SGSM2: variants seen among roughly 807,000 people sequenced by gnomAD.
The protein encoded by SGSM2 is RUN and TBC1 domain containing 1.
A neutral mutation model predicts 126.6 loss-of-function variants in SGSM2; 89 were observed. That is an observed-to-expected ratio of 0.70 (90% confidence interval 0.59 to 0.84). The LOEUF (loss-of-function observed/expected upper bound fraction) is 0.84, where lower values mean the gene tolerates loss of function less well. SGSM2 is among the 40% of genes least tolerant of loss of function. SGSM2 has a pLI of 0.00. For synonymous variants in SGSM2, 614 were observed against 574.3 expected, an observed-to-expected ratio of 1.07 and a Z score of -0.99; for missense variants, 1,404 against 1,416.6, an observed-to-expected ratio of 0.99 and a Z score of 0.14.
chr17:2,378,921 C>T (rs2066297903), intron 22 of SGSM2, 115 bp from the exon 23 acceptor site: 2 of 1,298,506 alleles, frequency 1.5e-6, no homozygotes, highest in Non-Finnish European at 2.1e-6. Flanking sequence ...AGCCCCAGCC[C>T]CAGCCTCAGC....
At chr17:2,340,564 C>G (rs1463477827) in intron 1 of SGSM2, among the ~76,000 whole-genome samples, 1 of 151,900 alleles carries the variant, frequency 6.6e-6, no homozygotes, top group Admixed American at 6.6e-5. Flanking sequence ...TCATGTTTCT[C>G]CTTTCCTCCT....
At chr17:2,341,857 C>G (rs1383004780) in intron 1 of SGSM2, among the ~76,000 whole-genome samples, 1 of 152,106 alleles carries the variant, frequency 6.6e-6, no homozygotes, top group Non-Finnish European at 1.5e-5. Flanking sequence ...AAACATAAAT[C>G]CCAAACATTT....
intron 11 of SGSM2, among the ~76,000 whole-genome samples, chr17:2,366,059 A>G (rs562472509): frequency 3.3e-5 from 5 of 152,148 alleles, no homozygotes; most frequent in African/African-American, 1.2e-4. Flanking sequence ...TTCTTTTTGG[A>G]TGGTGAATAT....
intron 21 of SGSM2, 135 bp from the exon 22 acceptor site, chr17:2,377,719 CGCA>C (rs2066242266): frequency 1.6e-6 from 1 of 635,708 alleles, no homozygotes; most frequent in Non-Finnish European, 2.9e-6. Flanking sequence ...GAGTGCACCG[CGCA>C]GCACAGGGCA....
chr17:2,368,736 G>C lies in SGSM2; in HGVS notation c.1423+1331G>C, dbSNP rs183594039. 4.5e-5 allele frequency among the ~76,000 whole-genome samples: 6 copies of C among 133,092 alleles called. No individual in the cohort carries two copies. In the East Asian group the frequency reaches 1.6e-3, roughly 35 times the overall value. 87.3% of individuals were successfully genotyped at this position (133,092 alleles called of 152,430 possible). A position where few individuals can be genotyped will look rare whatever the true frequency, so the allele number is the denominator to read the frequency against. ...GAACATCCTACTTCTGATGTTTATT[G>C]CCTACACACACCCCTGCCATCTGGT... On this transcript the variant is annotated intron_variant, in intron 12 of 23. Transcript: ENST00000268989.
At chr17:2,354,371 G>T (rs2065004506) in intron 2 of SGSM2, among the ~76,000 whole-genome samples, 1 of 152,272 alleles carries the variant, frequency 6.6e-6, no homozygotes, top group South Asian at 2.1e-4. Flanking sequence ...TAATAAAAAA[G>T]ATTGTATTCT....
chr17:2,352,245 A>G (rs906990813), intron 2 of SGSM2, among the ~76,000 whole-genome samples: 3 of 152,198 alleles, frequency 2.0e-5, no homozygotes, highest in African/African-American at 7.2e-5. Flanking sequence ...TCCACCATCC[A>G]GGGACCTGAA....
Position 2,369,370 on chromosome 17 carries a change from A to G in SGSM2, c.1424-1892A>G, listed in dbSNP as rs193223148. On this transcript the variant is annotated intron_variant, in intron 12 of 23. Coordinates refer to ENST00000268989, the MANE Select transcript of SGSM2 (RefSeq NM_014853.3). ...ATTCACTCTAATTCTGCTCCAGGCC[A>G]GGCACCTTTCACTCGGAGTCTTAGG... Among the ~76,000 whole-genome samples, 165 of 152,176 alleles carry G rather than the reference A, an allele frequency of 1.1e-3. 3 individuals are homozygous for G. In the East Asian group the frequency reaches 0.018, roughly 17 times the overall value.
chr17:2,365,416 G>A (rs1305687996), intron 11 of SGSM2, 75 bp downstream of exon 11: 2 of 1,455,722 alleles, frequency 1.4e-6, no homozygotes, highest in Non-Finnish European at 1.8e-6. Flanking sequence ...CGTCACCCAG[G>A]AGGGCAGCAG....
chr17:2,366,151 A>C (rs1386249772), intron 11 of SGSM2, among the ~76,000 whole-genome samples: 2 of 152,134 alleles, frequency 1.3e-5, no homozygotes, highest in African/African-American at 4.8e-5. Flanking sequence ...GTTGCATCAG[A>C]GGCAGACTCG....
rs199659081 is a variant in SGSM2 at position 2,373,116 on chromosome 17, T to C, written c.1917+35T>C. On this transcript the variant is annotated intron_variant, in intron 16 of 23. Transcript: ENST00000268989. ...GCCTGTTCCCATGGGGCTGATGAGA[T>C]GGGGAGCTGGGCCAGGGGACGCCAG... 1,318 of 1,586,974 alleles carry C rather than the reference T, an allele frequency of 8.3e-4. 14 individuals are homozygous for C. Among genetic ancestry groups the C allele is most frequent in the Middle Eastern group, 6.7e-4 (4 of 5,950 alleles).
intron 2 of SGSM2, among the ~76,000 whole-genome samples, chr17:2,348,425 A>G (rs1219397720): frequency 6.6e-6 from 1 of 152,196 alleles, no homozygotes; most frequent in African/African-American, 2.4e-5. Context: ...TCCCACCCAC[A>G]GGGAATGAAT....
intron 12 of SGSM2, among the ~76,000 whole-genome samples, chr17:2,369,118 G>A (rs2065737328): frequency 6.6e-6 from 1 of 152,212 alleles, no homozygotes; most frequent in African/African-American, 2.4e-5. Context: ...AGGCATAAGA[G>A]CAGAATCAGC....
chr17:2,373,367 TTGGC>T lies in SGSM2; in HGVS notation c.1955_1958del (p.Leu652Ter). The T allele has an allele frequency of 6.2e-7, 1 of 1,612,848 alleles. No individual in the cohort carries two copies. The highest frequency in any genetic ancestry group is 2.2e-5 in the East Asian group (1 of 44,808). On this transcript the variant is annotated frameshift_variant, in exon 17 of 24. Coordinates refer to ENST00000268989, the MANE Select transcript of SGSM2 (RefSeq NM_014853.3). LOFTEE classifies it high-confidence loss of function. Reference sequence around the variant, plus strand: ...GGTGGCAGCAAGGTACCAGCAGGTGTTGGCAGAGTGGAAGGCCTGCGAGGTGGTG... The same window carrying T: ...GGTGGCAGCAAGGTACCAGCAGGTGTAGAGTGGAAGGCCTGCGAGGTGGTG...
At chr17:2,343,497 T>C in intron 1 of SGSM2, 48 bp from the exon 2 acceptor site, 1 of 1,588,032 alleles carries the variant, frequency 6.3e-7, no homozygotes, top group South Asian at 1.1e-5. Context: ...CAGAGGTCTT[T>C]GATAAGGGAA....
At chr17:2,373,298 T>C in intron 16 of SGSM2, 33 bp from the exon 17 acceptor site, 2 of 1,596,406 alleles carry the variant, frequency 1.3e-6, no homozygotes, top group Non-Finnish European at 1.7e-6. Context: ...TGGTGCACGC[T>C]TCCCCCATGG....
chr17:2,349,390 C>T (rs1190377458), intron 2 of SGSM2, among the ~76,000 whole-genome samples: 1 of 151,698 alleles, frequency 6.6e-6, no homozygotes, highest in Non-Finnish European at 1.5e-5. Context: ...AAAAAGTGAC[C>T]TTACAACCTT....
chr17:2,363,409 C>T lies in SGSM2; in HGVS notation c.673-56C>T. On this transcript the variant is annotated intron_variant, in intron 6 of 23. Coordinates refer to ENST00000268989, the MANE Select transcript of SGSM2 (RefSeq NM_014853.3). The surrounding 1 kb of genome is among the most constrained non-coding windows in gnomAD (Gnocchi z 4.2). ...GTCAGCATGGAAGCGTGAGGGTTCC[C>T]AAGCCTTGAGGCCAGTTTCCCAAGG... The T allele has an allele frequency of 6.2e-7, 1 of 1,606,618 alleles. No individual in the cohort carries two copies. The highest frequency in any genetic ancestry group is 1.1e-5 in the South Asian group (1 of 90,818).
At chr17:2,341,468 G>A (rs952541925) in intron 1 of SGSM2, among the ~76,000 whole-genome samples, 4 of 152,112 alleles carry the variant, frequency 2.6e-5, no homozygotes, top group Admixed American at 1.3e-4. Context: ...AGCAGTTTCC[G>A]GCAGGGAGGG....
Sources: gnomAD v4.1 joint callset for allele counts (sites outside exome capture counted in the v4.1 genomes callset) on GRCh38, gnomAD v4.1.1 for gene constraint, Gnocchi (gnomAD v3.1) non-coding constraint, MANE v1.5 for transcripts, NCBI Gene and HGNC (gene_info 2026-07-23, HGNC 2026-07-21) for gene names.